The following CSMD1 variants were observed in gnomAD, a reference collection of about 807,000 sequenced individuals.
The protein encoded by CSMD1 is CUB and sushi domain-containing protein 1.
Under a neutral mutation model 417.5 loss-of-function variants are expected in CSMD1, and 213 were observed. The ratio of observed to expected loss-of-function variants is 0.51; its 90% CI spans 0.46 to 0.57. The LOEUF (loss-of-function observed/expected upper bound fraction) is 0.57, where lower values mean the gene tolerates loss of function less well. CSMD1 is among the 20% of genes least tolerant of loss of function. The pLI, the probability that CSMD1 is intolerant of heterozygous loss-of-function variation, is 0.00. For synonymous variants in CSMD1, 2,862 were observed against 1,736.8 expected, an observed-to-expected ratio of 1.65 and a Z score of -16.11; for missense variants, 6,923 against 4,529.7, an observed-to-expected ratio of 1.53 and a Z score of -15.17.
intron 1 of CSMD1, among the ~76,000 whole-genome samples, chr8:4,774,832 GGAGGCAT>G (rs1796767476): frequency 7.0e-6 from 1 of 143,822 alleles, no homozygotes; most frequent in African/African-American, 3.0e-5. Context: ...TCCTCCTACT[GGAGGCAT>G]GTGAAGTGTT....
intron 61 of CSMD1, among the ~76,000 whole-genome samples, chr8:2,961,467 T>C (rs1233670071): frequency 6.6e-6 from 1 of 151,440 alleles, no homozygotes; most frequent in Non-Finnish European, 1.5e-5. Flanking sequence ...GCATTTTTTT[T>C]CCATTCTCTG....
chr8:3,011,008 G>A (rs1808344497), intron 52 of CSMD1, among the ~76,000 whole-genome samples: 1 of 152,070 alleles, frequency 6.6e-6, no homozygotes, highest in Non-Finnish European at 1.5e-5. Flanking sequence ...TTACAGGCGT[G>A]AGCCACCGCG....
chr8:4,474,198 T>C (rs1800680063), intron 2 of CSMD1, among the ~76,000 whole-genome samples: 2 of 152,154 alleles, frequency 1.3e-5, no homozygotes, highest in African/African-American at 2.4e-5. Context: ...AAAATTTAAA[T>C]GTAAGAACGG....
At chr8:4,878,281 C>G (rs990159902) in intron 1 of CSMD1, among the ~76,000 whole-genome samples, 2 of 152,020 alleles carry the variant, frequency 1.3e-5, no homozygotes, top group Non-Finnish European at 2.9e-5. Context: ...GCTTTCTTGA[C>G]CAACTTAACA....
At chr8:3,411,203 G>T (rs1218041532) in intron 12 of CSMD1, among the ~76,000 whole-genome samples, 2 of 152,280 alleles carry the variant, frequency 1.3e-5, no homozygotes, top group Non-Finnish European at 1.5e-5. Context: ...GGTGAAAAGT[G>T]AGTCCCAGGA....
rs1454152344 is a variant in CSMD1 at position 3,407,889 on chromosome 8, G to C, written c.2071+10C>G. 1.3e-6 allele frequency: 2 copies of C among 1,592,340 alleles called. No homozygotes were observed. Among genetic ancestry groups the C allele is most frequent in the Non-Finnish European group, 1.7e-6 (2 of 1,165,092 alleles). On this transcript the variant is annotated intron_variant, in intron 14 of 69. Coordinates refer to ENST00000635120, the MANE Select transcript of CSMD1 (RefSeq NM_033225.6). Reference sequence around the variant, plus strand: ...GAACTTGGATGTGTTGACTGTGTGGGCGTACTTACTGGTGTAAGTGATGTT... The same window carrying C: ...GAACTTGGATGTGTTGACTGTGTGGCCGTACTTACTGGTGTAAGTGATGTT...
At chr8:4,232,462 G>A (rs550497701) in intron 3 of CSMD1, among the ~76,000 whole-genome samples, 1 of 152,228 alleles carries the variant, frequency 6.6e-6, no homozygotes, top group African/African-American at 2.4e-5. Flanking sequence ...GATTCCCAAA[G>A]TGCTGGGATT....
chr8:3,296,705 T>C (rs985013768), intron 25 of CSMD1, among the ~76,000 whole-genome samples: 1 of 152,070 alleles, frequency 6.6e-6, no homozygotes, highest in African/African-American at 2.4e-5. Context: ...GAAAACAGGC[T>C]TGGAAGAGGT....
chr8:4,947,521 C>A (rs930409637), intron 1 of CSMD1, among the ~76,000 whole-genome samples: 5 of 152,086 alleles, frequency 3.3e-5, no homozygotes, highest in African/African-American at 1.2e-4. Context: ...ATCAATCCCA[C>A]ATGTGGTCAG....
chr8:4,938,870 A>C (rs1241403396), intron 1 of CSMD1, among the ~76,000 whole-genome samples: 2 of 152,112 alleles, frequency 1.3e-5, no homozygotes, highest in African/African-American at 4.8e-5. Flanking sequence ...CAGTGGTTTT[A>C]ATTTGCATTT....
intron 8 of CSMD1, among the ~76,000 whole-genome samples, chr8:3,591,796 G>C (rs927215145): frequency 6.6e-6 from 1 of 152,172 alleles, no homozygotes; most frequent in Admixed American, 6.5e-5. Flanking sequence ...TAGATGGAAA[G>C]ATGGAAAGAT....
intron 5 of CSMD1, among the ~76,000 whole-genome samples, chr8:3,968,149 T>G (rs1012629494): frequency 3.3e-5 from 5 of 151,778 alleles, no homozygotes; most frequent in African/African-American, 4.8e-5. Context: ...ATCGACCCAC[T>G]GCACTCCAGC....
chr8:3,161,575 A>T (rs1231516469), intron 38 of CSMD1, among the ~76,000 whole-genome samples: 3 of 149,388 alleles, frequency 2.0e-5, no homozygotes, highest in Admixed American at 6.8e-5. Flanking sequence ...CAAGATCAAG[A>T]TCATGCCGCT....
At chr8:4,330,281 A>G (rs886351351) in intron 3 of CSMD1, among the ~76,000 whole-genome samples, 1 of 152,038 alleles carries the variant, frequency 6.6e-6, no homozygotes, top group Non-Finnish European at 1.5e-5. Context: ...CTCTTCTACA[A>G]AGTAACACTA....
intron 8 of CSMD1, among the ~76,000 whole-genome samples, chr8:3,610,922 T>C (rs1441025539): frequency 2.0e-5 from 3 of 151,940 alleles, no homozygotes; most frequent in Non-Finnish European, 4.4e-5. Context: ...GAAAAACTGA[T>C]GGCGATTTCG....
intron 5 of CSMD1, among the ~76,000 whole-genome samples, chr8:3,770,088 C>T (rs1035076417): frequency 1.3e-5 from 2 of 152,194 alleles, no homozygotes; most frequent in African/African-American, 4.8e-5. Context: ...CAGATTACTC[C>T]CTTCTTTCCA....
intron 3 of CSMD1, among the ~76,000 whole-genome samples, chr8:4,127,715 G>A (rs1051993419): frequency 1.3e-5 from 2 of 152,152 alleles, no homozygotes; most frequent in African/African-American, 4.8e-5. Context: ...ATAAATTTAA[G>A]AAAGGTATAT....
chr8:3,967,708 A>C (rs1377826911), intron 5 of CSMD1, among the ~76,000 whole-genome samples: 1 of 152,136 alleles, frequency 6.6e-6, no homozygotes, highest in Non-Finnish European at 1.5e-5. Flanking sequence ...AAAATAAGGG[A>C]AGTGGGCAAG....
intron 23 of CSMD1, among the ~76,000 whole-genome samples, chr8:3,312,233 C>G (rs894330783): frequency 3.9e-5 from 6 of 152,112 alleles, no homozygotes; most frequent in Non-Finnish European, 5.9e-5. Flanking sequence ...TTTCTTTCTG[C>G]TTAAACTACA....
Sources: gnomAD v4.1 joint callset for allele counts (sites outside exome capture counted in the v4.1 genomes callset) on GRCh38, gnomAD v4.1.1 for gene constraint, MANE v1.5 for transcripts, NCBI Gene and HGNC (gene_info 2026-07-23, HGNC 2026-07-21) for gene names.